The following GMIP variants were observed in gnomAD, a reference collection of about 807,000 sequenced individuals.
The protein encoded by GMIP is GEM-interacting protein.
Under a neutral mutation model 105.3 loss-of-function variants are expected in GMIP, and 54 were observed. The observed-to-expected ratio is 0.51, with a 90% CI of 0.41 to 0.64. The LOEUF (loss-of-function observed/expected upper bound fraction) is 0.64, where lower values mean the gene tolerates loss of function less well. Among genes scored for constraint, GMIP ranks in the 30% least tolerant of loss-of-function variants. The pLI, the probability that GMIP is intolerant of heterozygous loss-of-function variation, is 0.00. For missense variants in GMIP, 1,110 were observed against 1,319.4 expected (o/e 0.84, Z 2.46); for synonymous variants, 541 against 560.8 (o/e 0.96, Z 0.50).
rs1436554638 is a variant in GMIP at position 19,642,021 on chromosome 19, T to G, written c.135A>C (p.Leu45=). The G allele has an allele frequency of 3.1e-6, 5 of 1,613,310 alleles. No homozygotes were observed. Among genetic ancestry groups the G allele is most frequent in the Admixed American group, 1.7e-5 (1 of 59,954 alleles). ...TGTCAGGTTCTGGGTCTTCTGAGAG[T>G]AGAGGGTCTCCAGCCAGCATCTCAA... ...VTLEMLAGDP[L]LSEDPEPDKT... Residue 45 remains leucine, a synonymous_variant, in exon 3 of 21, where the codon CTA becomes CTC. Coordinates refer to ENST00000203556, the MANE Select transcript of GMIP (RefSeq NM_016573.4).
rs141988237 is a variant in GMIP, at chr19:19,630,899, C to A, written c.2473-362G>T. On this transcript the variant is annotated intron_variant, in intron 19 of 20. Coordinates refer to ENST00000203556, the MANE Select transcript of GMIP (RefSeq NM_016573.4). This position sits in a 1 kb window ranked among gnomAD's most constrained non-coding sequence, Gnocchi z 4.8. ...TTTTGGTGTTTGGGGATAGACGATG[C>A]CCTTATAAGTGTACTGCTTGGCCAG... Among the ~76,000 whole-genome samples the A allele has an allele frequency of 7.4e-3, 1,128 of 152,220 alleles. 18 individuals are homozygous for A. Among genetic ancestry groups the A allele is most frequent in the African/African-American group, 0.025 (1,057 of 41,534 alleles).
chr19:19,641,167 G>A (rs1378773195), intron 4 of GMIP, among the ~76,000 whole-genome samples: 1 of 151,568 alleles, frequency 6.6e-6, no homozygotes, highest in Non-Finnish European at 1.5e-5. Context: ...TGCAAGCTCC[G>A]CCTCCTGGGT....
rs1381174430 is a variant in GMIP, at chr19:19,643,577, C to A, written c.-48G>T. 2 of 1,497,362 alleles carry A rather than the reference C, an allele frequency of 1.3e-6. No homozygotes were observed. Among genetic ancestry groups the A allele is most frequent in the East Asian group, 2.7e-5 (1 of 37,408 alleles). The allele number at this position is 1,497,362 out of a possible 1,614,324, so 92.8% of individuals were successfully genotyped here. A position where few individuals can be genotyped will look rare whatever the true frequency, so the allele number is the denominator to read the frequency against. On this transcript the variant is annotated 5_prime_UTR_variant, in exon 1 of 21. Transcript: ENST00000203556. ...GCAGGGACCGGGATGGGGATGGGGTCGCGCGCCGGCGGGGCCGAGCCCCGA... is the reference window on the plus strand; with the variant it reads ...GCAGGGACCGGGATGGGGATGGGGTAGCGCGCCGGCGGGGCCGAGCCCCGA...
In GMIP at chr19:19,637,584, T is replaced by G. The variant is rs1397351767; in HGVS notation, c.928-23A>C. On this transcript the variant is annotated intron_variant, in intron 10 of 20. Coordinates refer to ENST00000203556, the MANE Select transcript of GMIP (RefSeq NM_016573.4). This position sits in a 1 kb window ranked among gnomAD's most constrained non-coding sequence, Gnocchi z 6.7. ...CACCTGCCGGGTGGAGACAGCAGGT[T>G]GGGGAGGGGCGGAGCCTGGGAGCCT... 1 of 1,490,580 alleles carries G rather than the reference T, an allele frequency of 6.7e-7. No homozygotes were observed. The highest frequency in any genetic ancestry group is 1.3e-5 in the South Asian group (1 of 78,004). The allele number at this position is 1,490,580 out of a possible 1,614,324, so 92.3% of individuals were successfully genotyped here.
At position 19,641,498 on chromosome 19, in the gene GMIP, C is replaced by T. The variant is rs549493950; in HGVS notation, c.238+312G>A. On this transcript the variant is annotated intron_variant, in intron 4 of 20. Transcript: ENST00000203556. ...GGCTTAATCAGTCCTCCAGCCTCAG[C>T]TTCCAAAGTAGCTGGGACTACAGGC... 5.3e-4 allele frequency among the ~76,000 whole-genome samples: 80 copies of T among 152,340 alleles called. 3 individuals are homozygous for T. In the South Asian group the frequency reaches 0.016, roughly 30 times the overall value.
chr19:19,640,040 G>A, intron 7 of GMIP, 45 bp downstream of exon 7: 1 of 1,117,374 alleles, frequency 8.9e-7, no homozygotes, highest in Non-Finnish European at 1.4e-6. Context: ...AAGGACAGCA[G>A]GATAGCAGGG....
chr19:19,635,871 A>T lies in GMIP; in HGVS notation c.1328-150T>A. The stretch of plus-strand genomic sequence containing the variant: ...TGGTTAAGGGTTGGAGAATTGGGTC[A>T]GCAACCTGAGGGGGGTGGTTCATAA... On this transcript the variant is annotated intron_variant, in intron 13 of 20. Transcript: ENST00000203556. This position sits in a 1 kb window ranked among gnomAD's most constrained non-coding sequence, Gnocchi z 4.7. The T allele has an allele frequency of 1.5e-6, 1 of 670,538 alleles. No individual in the cohort carries two copies. Among genetic ancestry groups the T allele is most frequent in the South Asian group, 1.7e-5 (1 of 59,532 alleles). 41.5% of individuals were successfully genotyped at this position (670,538 alleles called of 1,614,324 possible). A position where few individuals can be genotyped will look rare whatever the true frequency, so the allele number is the denominator to read the frequency against.
chr19:19,641,819 G>A lies in GMIP; in HGVS notation c.229C>T (p.Pro77Ser), dbSNP rs376828096. Reference sequence around the variant, plus strand: ...CTCCAGACCCCCCTACCTGTGAGGGGTACAGGACCCTCTGGGGAGGGGCCG... The same window carrying A: ...CTCCAGACCCCCCTACCTGTGAGGGATACAGGACCCTCTGGGGAGGGGCCG... ...WSGPSPEGPV[P>S]LTGEELDLRL... Residue 77 changes from proline to serine, a missense_variant, in exon 4 of 21, where the codon CCC becomes TCC. Physicochemically the swap from Pro to Ser is moderately conservative, Grantham distance 74 (BLOSUM62 -1). Transcript: ENST00000203556. 1.4e-4 allele frequency: 221 copies of A among 1,610,824 alleles called. No homozygotes were observed. The highest frequency in any genetic ancestry group is 1.8e-4 in the Non-Finnish European group (212 of 1,178,856).
intron 2 of GMIP, among the ~76,000 whole-genome samples, 157 bp from the exon 3 acceptor site, chr19:19,642,208 GT>G (rs1157359004): frequency 6.6e-6 from 1 of 152,034 alleles, no homozygotes; most frequent in East Asian, 1.9e-4. Flanking sequence ...AATCAGGTGA[GT>G]TTTTTTTAAA....
chr19:19,638,379 C>G, intron 8 of GMIP, 23 bp downstream of exon 8: 4 of 1,614,130 alleles, frequency 2.5e-6, no homozygotes, highest in Non-Finnish European at 3.4e-6. Flanking sequence ...TCACCCTACC[C>G]TTCCACCAAT....
Position 19,630,414 on chromosome 19 carries a change from G to A in GMIP, c.2539+57C>T. 7 of 1,597,456 alleles carry A rather than the reference G, an allele frequency of 4.4e-6. No individual in the cohort carries two copies. Among genetic ancestry groups the A allele is most frequent in the Non-Finnish European group, 6.0e-6 (7 of 1,171,672 alleles). The stretch of plus-strand genomic sequence containing the variant: ...CCCCCCAGGAGTCATCTTTTAGCAA[G>A]CCACCCTGGGGCCAGGGCACCCCCA... On this transcript the variant is annotated intron_variant, in intron 20 of 20. Transcript: ENST00000203556. This position sits in a 1 kb window ranked among gnomAD's most constrained non-coding sequence, Gnocchi z 4.8.
chr19:19,634,136 C>T lies in GMIP; in HGVS notation c.2139G>A (p.Val713=). 6.2e-7 allele frequency: 1 copy of T among 1,610,934 alleles called. No homozygotes were observed. Among genetic ancestry groups the T allele is most frequent in the Non-Finnish European group, 8.5e-7 (1 of 1,178,308 alleles). ...NKMSANNLGI[V]FGPTLLRPPD... ...GCGGCCGCAGCAGTGTCGGCCCAAA[C>T]ACAATGCCCAGGTTGTTGGCAGACA... is the stretch of plus-strand genomic sequence containing the variant. Residue 713 remains valine, a synonymous_variant, in exon 19 of 21, where the codon GTG becomes GTA. Coordinates refer to ENST00000203556, the MANE Select transcript of GMIP (RefSeq NM_016573.4). This position sits in a 1 kb window ranked among gnomAD's most constrained non-coding sequence, Gnocchi z 6.1.
At position 19,634,253 on chromosome 19, in the gene GMIP, G is replaced by C; in HGVS notation, c.2085-63C>G. The C allele has an allele frequency of 6.7e-7, 1 of 1,484,396 alleles. No homozygotes were observed. Among genetic ancestry groups the C allele is most frequent in the Non-Finnish European group, 9.0e-7 (1 of 1,112,842 alleles). 92.0% of individuals were successfully genotyped at this position (1,484,396 alleles called of 1,614,324 possible). ...TGCAAGCTCATTGGTCTGAGGGTAA[G>C]GGTGGGACACGCAGGCCAGCCTAGA... On this transcript the variant is annotated intron_variant, in intron 18 of 20. Transcript: ENST00000203556. The surrounding 1 kb of genome is among the most constrained non-coding windows in gnomAD (Gnocchi z 6.1).
Position 19,642,603 on chromosome 19 carries a change from A to G in GMIP, c.36T>C (p.Pro12=). 6.2e-7 allele frequency: 1 copy of G among 1,603,398 alleles called. No homozygotes were observed. The highest frequency in any genetic ancestry group is 8.5e-7 in the Non-Finnish European group (1 of 1,171,080). ...TGTCACTGTACCTCTTCCTGCCCTCAGGACCTGGGGGGAGTCCTAGGGGAG... is the reference window on the plus strand; with the variant it reads ...TGTCACTGTACCTCTTCCTGCCCTCGGGACCTGGGGGGAGTCCTAGGGGAG... ...DAAEPGLPPG[P]EGRKRYSDIF... is the part of the protein sequence containing the mutation. Residue 12 remains proline (P), a synonymous_variant, in exon 2 of 21, where the codon CCT becomes CCC. Transcript: ENST00000203556.
intron 9 of GMIP, 28 bp from the exon 10 acceptor site, chr19:19,638,085 G>C (rs1179614914): frequency 2.6e-6 from 4 of 1,545,834 alleles, no homozygotes; most frequent in African/African-American, 1.4e-5. Flanking sequence ...CAGGAGCGGG[G>C]TGGGGCGCGT....
In GMIP at chr19:19,630,427, C is replaced by T; in HGVS notation, c.2539+44G>A. On this transcript the variant is annotated intron_variant, in intron 20 of 20. Coordinates refer to ENST00000203556, the MANE Select transcript of GMIP (RefSeq NM_016573.4). The surrounding 1 kb of genome is among the most constrained non-coding windows in gnomAD (Gnocchi z 4.8). Reference sequence around the variant, plus strand: ...ATCTTTTAGCAAGCCACCCTGGGGCCAGGGCACCCCCAGAACTCCTGAGCC... The same window carrying T: ...ATCTTTTAGCAAGCCACCCTGGGGCTAGGGCACCCCCAGAACTCCTGAGCC... 1 of 1,606,318 alleles carries T rather than the reference C, an allele frequency of 6.2e-7. No homozygotes were observed. Among genetic ancestry groups the T allele is most frequent in the East Asian group, 2.2e-5 (1 of 44,852 alleles).
In GMIP at chr19:19,641,688, G is replaced by A. The variant is rs1389007300; in HGVS notation, c.238+122C>T. 1.6e-5 allele frequency: 12 copies of A among 769,206 alleles called. No homozygotes were observed. In the Admixed American group the frequency reaches 2.0e-4, roughly 13 times the overall value. The allele number at this position is 769,206 out of a possible 1,614,324, so 47.6% of individuals were successfully genotyped here. On this transcript the variant is annotated intron_variant, in intron 4 of 20. Transcript: ENST00000203556. ...CTGAGGGCTGGGACTGAGATCTGTTGTGTGTACTGCCATATTCCCAAAACC... is the reference window on the plus strand; with the variant it reads ...CTGAGGGCTGGGACTGAGATCTGTTATGTGTACTGCCATATTCCCAAAACC...
rs2061870267 is a variant in GMIP at position 19,637,669 on chromosome 19, A to G, written c.928-108T>C. The G allele has an allele frequency of 8.0e-6, 8 of 994,450 alleles. No individual in the cohort carries two copies. Among genetic ancestry groups the G allele is most frequent in the Non-Finnish European group, 1.1e-5 (8 of 705,180 alleles). 61.6% of individuals were successfully genotyped at this position (994,450 alleles called of 1,614,324 possible). The stretch of plus-strand genomic sequence containing the variant: ...GACGCGAACGTGGTCAGGGTTTGGG[A>G]CGCACCTGGGCGGCTTAGGAACTAG... On this transcript the variant is annotated intron_variant, in intron 10 of 20. Coordinates refer to ENST00000203556, the MANE Select transcript of GMIP (RefSeq NM_016573.4). The surrounding 1 kb of genome is among the most constrained non-coding windows in gnomAD (Gnocchi z 6.7).
chr19:19,635,439 C>A lies in GMIP; in HGVS notation c.1536G>T (p.Met512Ile). 6.2e-7 allele frequency: 1 copy of A among 1,609,804 alleles called. No individual in the cohort carries two copies. Among genetic ancestry groups the A allele is most frequent in the Non-Finnish European group, 8.5e-7 (1 of 1,179,950 alleles). The part of the protein sequence containing the change: ...PAKCRECEAF[M>I]VSGTECEECF... ...CCTCCTCACACTCCGTCCCGCTGACCATGAAGGCTTCGCACTCGCGGCACT... is the reference window on the plus strand; with the variant it reads ...CCTCCTCACACTCCGTCCCGCTGACAATGAAGGCTTCGCACTCGCGGCACT... Residue 512 changes from methionine to isoleucine, a missense_variant, in exon 15 of 21, where the codon ATG becomes ATT. Physicochemically the swap from Met to Ile is conservative, Grantham distance 10 (BLOSUM62 1). Coordinates refer to ENST00000203556, the MANE Select transcript of GMIP (RefSeq NM_016573.4). The surrounding 1 kb of genome is among the most constrained non-coding windows in gnomAD (Gnocchi z 4.7).
Sources: allele counts gnomAD v4.1 joint callset (sites outside exome capture counted in the v4.1 genomes callset), GRCh38; gene constraint gnomAD v4.1.1; non-coding constraint Gnocchi (gnomAD v3.1); transcripts MANE v1.5; gene names NCBI Gene and HGNC (gene_info 2026-07-23, HGNC 2026-07-21).